RBFOX1: variants seen among roughly 807,000 people sequenced by gnomAD.
RBFOX1 encodes RNA binding protein fox-1 homolog 1.
A neutral mutation model predicts 57.7 loss-of-function variants in RBFOX1; 8 were observed. That is an observed-to-expected ratio of 0.14 (90% CI 0.08 to 0.25). RBFOX1 has a LOEUF of 0.25. Among genes scored for constraint, RBFOX1 ranks in the 10% least tolerant of loss-of-function variants. The pLI is 1.00. For missense variants in RBFOX1, 611 were observed against 548.5 expected (o/e 1.11, Z -1.14); for synonymous variants, 326 against 222.4 (o/e 1.47, Z -4.15).
intron 3 of RBFOX1, among the ~76,000 whole-genome samples, chr16:6,851,676 C>T (rs954577734): frequency 1.3e-5 from 2 of 152,110 alleles, no homozygotes; most frequent in African/African-American, 2.4e-5. Flanking sequence ...GTCGAGAAGA[C>T]ATGGGTGAGA....
intron 3 of RBFOX1, among the ~76,000 whole-genome samples, chr16:6,920,142 C>T (rs760096806): frequency 2.0e-5 from 3 of 152,158 alleles, no homozygotes; most frequent in African/African-American, 7.2e-5. Context: ...GAGTCATATT[C>T]TATGGTGTAG....
chr16:7,208,802 C>G (rs73547539), intron 4 of RBFOX1, among the ~76,000 whole-genome samples: 2 of 152,032 alleles, frequency 1.3e-5, no homozygotes, highest in African/African-American at 2.4e-5. Flanking sequence ...GCAGCACTTG[C>G]AATCCAGCCT....
intron 1 of RBFOX1, among the ~76,000 whole-genome samples, chr16:6,229,867 T>C (rs1200930371): frequency 6.6e-6 from 1 of 152,124 alleles, no homozygotes; most frequent in Non-Finnish European, 1.5e-5. Flanking sequence ...TTTGATAGAA[T>C]GTGGCATGTA....
chr16:6,520,302 C>G (rs1006374269), intron 2 of RBFOX1, among the ~76,000 whole-genome samples: 1 of 152,132 alleles, frequency 6.6e-6, no homozygotes, highest in African/African-American at 2.4e-5. Context: ...TGGCTTTAGA[C>G]AATGAGTTGT....
At chr16:7,356,888 G>C (rs1308339466) in intron 4 of RBFOX1, among the ~76,000 whole-genome samples, 1 of 152,160 alleles carries the variant, frequency 6.6e-6, no homozygotes, top group African/African-American at 2.4e-5. Flanking sequence ...TATAACCAAA[G>C]CATGGCAAGA....
At chr16:6,573,578 G>C (rs1430137274) in intron 2 of RBFOX1, among the ~76,000 whole-genome samples, 2 of 152,194 alleles carry the variant, frequency 1.3e-5, no homozygotes, top group African/African-American at 4.8e-5. Context: ...TTTACACATA[G>C]TGCGATTTTG....
intron 3 of RBFOX1, among the ~76,000 whole-genome samples, chr16:6,840,531 G>A (rs1352362144): frequency 6.6e-6 from 1 of 152,048 alleles, no homozygotes; most frequent in Non-Finnish European, 1.5e-5. Context: ...ATTAGAAAAT[G>A]GGATCTTTGG....
chr16:6,559,469 G>C (rs1161927785), intron 2 of RBFOX1, among the ~76,000 whole-genome samples: 1 of 152,054 alleles, frequency 6.6e-6, no homozygotes, highest in Non-Finnish European at 1.5e-5. Context: ...GAGGAGAAGA[G>C]TTTATCCTGA....
chr16:7,057,755 C>A (rs574548477), intron 4 of RBFOX1, among the ~76,000 whole-genome samples: 7 of 152,282 alleles, frequency 4.6e-5, no homozygotes, highest in Non-Finnish European at 7.3e-5. Context: ...CACCTGTCAT[C>A]CCAGCACTTT....
chr16:7,595,875 A>C (rs2094660930), intron 8 of RBFOX1, among the ~76,000 whole-genome samples: 1 of 150,896 alleles, frequency 6.6e-6, no homozygotes, highest in South Asian at 2.1e-4. Flanking sequence ...AACGTGAGAC[A>C]AAAGAAAGGT....
rs539425479 is a variant in RBFOX1 at position 7,019,051 on chromosome 16, C to T, written c.-15-33006C>T. ...ACTGAAAAAAACTGTTCCTGGTTTC[C>T]TAGTTTTTAGAAGTGTGTGTGTGTG... On this transcript the variant is annotated intron_variant, in intron 3 of 15. Transcript: ENST00000550418. Among the ~76,000 whole-genome samples, 6 of 151,862 alleles carry T rather than the reference C, an allele frequency of 4.0e-5. 1 individual carries two copies. The South Asian group carries it at 1.2e-3, about 32-fold the overall frequency.
At chr16:6,882,838 C>A (rs968432965) in intron 3 of RBFOX1, among the ~76,000 whole-genome samples, 1 of 152,048 alleles carries the variant, frequency 6.6e-6, no homozygotes, top group African/African-American at 2.4e-5. Context: ...TTTTCAGAGG[C>A]TTTATGTTCA....
intron 7 of RBFOX1, among the ~76,000 whole-genome samples, chr16:7,591,724 C>T (rs745370753): frequency 1.3e-5 from 2 of 152,146 alleles, no homozygotes; most frequent in African/African-American, 2.4e-5. Context: ...TAAGCAGTTA[C>T]ACATCAGCAT....
intron 4 of RBFOX1, among the ~76,000 whole-genome samples, chr16:7,476,132 AT>A (rs1311237633): frequency 1.3e-5 from 2 of 151,912 alleles, no homozygotes; most frequent in Non-Finnish European, 2.9e-5. Context: ...CACCCAGCAA[AT>A]TTTTGTAGTT....
chr16:7,640,112 G>C (rs1027540362), intron 11 of RBFOX1, among the ~76,000 whole-genome samples: 2 of 152,324 alleles, frequency 1.3e-5, no homozygotes, highest in East Asian at 3.9e-4. Context: ...ACAGTCCTCA[G>C]AATAGGTTCA....
intron 4 of RBFOX1, among the ~76,000 whole-genome samples, chr16:7,173,777 C>A (rs892743976): frequency 1.3e-5 from 2 of 152,184 alleles, no homozygotes; most frequent in African/African-American, 4.8e-5. Context: ...CAGCACAAAG[C>A]ATCATAAATT....
chr16:6,875,921 C>T (rs772101516), intron 3 of RBFOX1, among the ~76,000 whole-genome samples: 14 of 152,060 alleles, frequency 9.2e-5, no homozygotes, highest in African/African-American at 7.2e-5. Context: ...TCACTTGAGC[C>T]GGGGAGGTGG....
chr16:6,844,573 C>G (rs969545669), intron 3 of RBFOX1, among the ~76,000 whole-genome samples: 4 of 151,100 alleles, frequency 2.6e-5, no homozygotes, highest in African/African-American at 7.3e-5. Context: ...TTTTTTTTAT[C>G]CAGTCTTTGT....
At chr16:7,290,203 A>G (rs1288893396) in intron 4 of RBFOX1, among the ~76,000 whole-genome samples, 3 of 152,212 alleles carry the variant, frequency 2.0e-5, no homozygotes, top group African/African-American at 7.2e-5. Context: ...TGAAGCATGT[A>G]TCGTAAAGGC....
Sources: allele counts gnomAD v4.1 joint callset (sites outside exome capture counted in the v4.1 genomes callset), GRCh38; gene constraint gnomAD v4.1.1; transcripts MANE v1.5; gene names NCBI Gene and HGNC (gene_info 2026-07-23, HGNC 2026-07-21).